The following ART1 variants were observed in gnomAD, a reference collection of about 807,000 sequenced individuals.
The protein encoded by ART1 is GPI-linked NAD(P)(+)--arginine ADP-ribosyltransferase 1.
A neutral mutation model predicts 27.0 loss-of-function variants in ART1; 29 were observed. The observed-to-expected ratio is 1.08, with a 90% CI of 0.80 to 1.47. The LOEUF is 1.47. ART1 is among the 40% of genes most tolerant of loss of function. The pLI is 0.00. For missense variants in ART1, 480 were observed against 423.0 expected (o/e 1.13, Z -1.18); for synonymous variants, 201 against 172.2 (o/e 1.17, Z -1.31).
At chr11:3,651,975 G>C (rs936765522) in intron 1 of ART1, among the ~76,000 whole-genome samples, 5 of 151,590 alleles carry the variant, frequency 3.3e-5, no homozygotes, top group East Asian at 1.9e-4. Context: ...CTATGCTATA[G>C]AACAAGCCAC....
At chr11:3,651,992 G>A (rs959368890) in intron 1 of ART1, among the ~76,000 whole-genome samples, 1 of 151,514 alleles carries the variant, frequency 6.6e-6, no homozygotes, top group African/African-American at 2.4e-5. Flanking sequence ...CCACCAGCCC[G>A]CCTCTTAGAA....
At chr11:3,655,009 A>G (rs957188920) in intron 1 of ART1, among the ~76,000 whole-genome samples, 2 of 152,228 alleles carry the variant, frequency 1.3e-5, no homozygotes, top group African/African-American at 2.4e-5. Context: ...GTGCCACAAA[A>G]TCTCAGTGGC....
intron 1 of ART1, among the ~76,000 whole-genome samples, chr11:3,653,474 A>C (rs192432003): frequency 0.011 from 1,595 of 149,188 alleles, 47 homozygotes; most frequent in African/African-American, 0.036. Context: ...CCCCCCTTTG[A>C]CTGTAATTTT....
At chr11:3,663,099 C>G (rs1237836948) in intron 4 of ART1, among the ~76,000 whole-genome samples, 20 of 124,836 alleles carry the variant, frequency 1.6e-4, no homozygotes, top group African/African-American at 6.9e-4. Context: ...ATCATCTCAT[C>G]TCATCTCATC....
intron 4 of ART1, among the ~76,000 whole-genome samples, chr11:3,662,010 C>T (rs896308911): frequency 6.6e-6 from 1 of 152,194 alleles, no homozygotes; most frequent in Non-Finnish European, 1.5e-5. Flanking sequence ...ATTCAGGCTG[C>T]ACTGAGGTGA....
At chr11:3,652,348 C>A (rs1029549218) in intron 1 of ART1, among the ~76,000 whole-genome samples, 1 of 149,094 alleles carries the variant, frequency 6.7e-6, no homozygotes, top group Admixed American at 6.6e-5. Context: ...ACAGACCAGC[C>A]TTTACTAGTC....
chr11:3,657,971 AT>A (rs956290192), intron 1 of ART1, among the ~76,000 whole-genome samples: 23 of 152,080 alleles, frequency 1.5e-4, no homozygotes, highest in African/African-American at 5.5e-4. Context: ...GGAAGTTAAT[AT>A]TTTTTTTCTG....
intron 1 of ART1, among the ~76,000 whole-genome samples, chr11:3,649,408 CA>C (rs2077498759): frequency 6.6e-6 from 1 of 152,188 alleles, no homozygotes; most frequent in Admixed American, 6.5e-5. Flanking sequence ...TGCCTGACGT[CA>C]AGGCATTCTT....
chr11:3,648,143 G>A (rs1407191954), intron 1 of ART1, among the ~76,000 whole-genome samples: 1 of 151,958 alleles, frequency 6.6e-6, no homozygotes, highest in African/African-American at 2.4e-5. Context: ...ACCCCCCTTT[G>A]ACTGTAATTT....
In ART1 at chr11:3,659,258, C is replaced by T. The variant is rs145512424; in HGVS notation, c.45C>T (p.Gly15=). ...TGTCTCTGCTTCTTGTGTCTGTGGG[C>T]CTCATGGAAGCACTTCAGGTATGGG... The part of the protein sequence containing the change: ...AMMSLLLVSV[G]LMEALQAQSH... Residue 15 remains glycine (G), a synonymous_variant, in exon 2 of 5, where the codon GGC becomes GGT. Coordinates refer to ENST00000250693, the MANE Select transcript of ART1 (RefSeq NM_004314.3). 9.5e-5 allele frequency: 154 copies of T among 1,614,202 alleles called. No individual in the cohort carries two copies. The African/African-American group carries it at 1.9e-3, about 20-fold the overall frequency.
intron 4 of ART1, among the ~76,000 whole-genome samples, chr11:3,662,433 G>C (rs1488996276): frequency 6.6e-6 from 1 of 152,154 alleles, no homozygotes; most frequent in Non-Finnish European, 1.5e-5. Context: ...TGAGTGGGCA[G>C]GAAGGACCCC....
intron 1 of ART1, among the ~76,000 whole-genome samples, chr11:3,656,513 G>T (rs2077576303): frequency 6.6e-6 from 1 of 152,008 alleles, no homozygotes; most frequent in Non-Finnish European, 1.5e-5. Flanking sequence ...CTCCCGAGTA[G>T]CTGGGATTAT....
rs376090728 is a variant in ART1, at chr11:3,645,499, C to G, written c.-53+320C>G. On this transcript the variant is annotated intron_variant, in intron 1 of 4. Transcript: ENST00000250693. ...CTAGAAAAGGAATTGCTCAGCATCC[C>G]CAGCTCCTTGGGCCCATGCCCACCC... Among the ~76,000 whole-genome samples the G allele has an allele frequency of 7.2e-4, 110 of 152,258 alleles. 1 individual carries two copies. Among genetic ancestry groups the G allele is most frequent in the African/African-American group, 2.5e-3 (104 of 41,554 alleles).
chr11:3,659,982 C>A lies in ART1; in HGVS notation c.463C>A (p.His155Asn), dbSNP rs767771808. ...YLHHFSFKTL[H>N]FLLTEALQLL... is the part of the protein sequence containing the mutation. ...CCACCACTTCTCCTTCAAGACACTC[C>A]ATTTCCTGCTGACTGAGGCCCTGCA... is the stretch of plus-strand genomic sequence containing the variant. Residue 155 changes from histidine (H) to asparagine (N), a missense_variant, in exon 3 of 5, where the codon CAT (histidine) becomes AAT (asparagine). Transcript: ENST00000250693. 6.2e-7 allele frequency: 1 copy of A among 1,614,088 alleles called. No individual in the cohort carries two copies.
intron 1 of ART1, among the ~76,000 whole-genome samples, chr11:3,649,834 A>T (rs1226349995): frequency 1.8e-4 from 27 of 152,246 alleles, no homozygotes; most frequent in Middle Eastern, 3.4e-3. Context: ...TCATCAAATA[A>T]GAAAAACCCC....
chr11:3,653,296 C>T (rs1366208606), intron 1 of ART1, among the ~76,000 whole-genome samples: 1 of 148,646 alleles, frequency 6.7e-6, no homozygotes, highest in Non-Finnish European at 1.5e-5. Context: ...TCCAGATGGC[C>T]GGTTCCTGCC....
intron 1 of ART1, among the ~76,000 whole-genome samples, chr11:3,655,262 C>G (rs901280153): frequency 6.6e-6 from 1 of 152,170 alleles, no homozygotes; most frequent in Non-Finnish European, 1.5e-5. Flanking sequence ...CAGACAAGTA[C>G]ATGGGTGCAG....
At position 3,660,006 on chromosome 11, in the gene ART1, C is replaced by A. The variant is rs769221472; in HGVS notation, c.487C>A (p.Gln163Lys). Residue 163 changes from glutamine (Q) to lysine (K), a missense_variant, in exon 3 of 5, where the codon CAG becomes AAG. Gln to Lys is a moderately conservative substitution (Grantham distance 53, BLOSUM62 1). Coordinates refer to ENST00000250693, the MANE Select transcript of ART1 (RefSeq NM_004314.3). The stretch of plus-strand genomic sequence containing the variant: ...CCATTTCCTGCTGACTGAGGCCCTG[C>A]AGCTCCTGGGCAGCGGCCAGCGTCC... ...TLHFLLTEAL[Q>K]LLGSGQRPPR... The A allele has an allele frequency of 1.2e-6, 2 of 1,614,002 alleles. No homozygotes were observed. The highest frequency in any genetic ancestry group is 1.7e-6 in the Non-Finnish European group (2 of 1,179,962).
rs773884895 is a variant in ART1 at position 3,660,138 on chromosome 11, C to T, written c.619C>T (p.His207Tyr). 21 of 1,613,954 alleles carry T rather than the reference C, an allele frequency of 1.3e-5. No individual in the cohort carries two copies. The highest frequency in any genetic ancestry group is 1.8e-5 in the Non-Finnish European group (21 of 1,180,028). Residue 207 changes from histidine (H) to tyrosine (Y), a missense_variant, in exon 3 of 5, where the codon CAT (histidine) becomes TAT (tyrosine). Coordinates refer to ENST00000250693, the MANE Select transcript of ART1 (RefSeq NM_004314.3). Reference sequence around the variant, plus strand: ...GGGCTTTGCTTCTGCCTCCCTGAAGCATGTTGCAGCCCAGCAGTTTGGTGA... The same window carrying T: ...GGGCTTTGCTTCTGCCTCCCTGAAGTATGTTGCAGCCCAGCAGTTTGGTGA... ...LGGFASASLK[H>Y]VAAQQFGEDT...
Sources: gnomAD v4.1 joint callset for allele counts (sites outside exome capture counted in the v4.1 genomes callset) on GRCh38, gnomAD v4.1.1 for gene constraint, MANE v1.5 for transcripts, NCBI Gene and HGNC (gene_info 2026-07-23, HGNC 2026-07-21) for gene names.